The following RAB23 variants were observed in gnomAD, a reference collection of about 807,000 sequenced individuals.
RAB23 encodes the protein RAB23, member RAS oncogene family.
In RAB23, 15 loss-of-function variants were observed where a neutral mutation model predicts 30.0. The observed-to-expected ratio is 0.50, with a 90% CI of 0.33 to 0.77. The LOEUF is 0.77. Ranked by LOEUF, RAB23 falls within the 30% of genes least tolerant of loss-of-function variation. The probability of loss-of-function intolerance (pLI) is 0.02; values close to 1 mark genes in which losing one functional copy is unlikely to be tolerated. For missense variants in RAB23, 243 were observed against 275.4 expected (o/e 0.88, Z 0.83); for synonymous variants, 93 against 94.0 (o/e 0.99, Z 0.06).
chr6:57,191,680 G>A (rs1007492023), intron 6 of RAB23, among the ~76,000 whole-genome samples: 4 of 152,146 alleles, frequency 2.6e-5, no homozygotes, highest in Non-Finnish European at 5.9e-5. Context: ...AAAGTCCTAA[G>A]CTCAGGCAAT....
chr6:57,192,201 C>G (rs951651401), intron 6 of RAB23, among the ~76,000 whole-genome samples: 1 of 152,028 alleles, frequency 6.6e-6, no homozygotes, highest in African/African-American at 2.4e-5. Flanking sequence ...TATACTAAAC[C>G]AGTAAAAAAG....
At chr6:57,202,178 T>C (rs1342930659) in intron 3 of RAB23, among the ~76,000 whole-genome samples, 1 of 152,230 alleles carries the variant, frequency 6.6e-6, no homozygotes. Context: ...ATTTGTATCT[T>C]AATTCATTCT....
intron 3 of RAB23, among the ~76,000 whole-genome samples, chr6:57,201,516 T>C (rs892005683): frequency 3.3e-5 from 5 of 152,260 alleles, no homozygotes; most frequent in Non-Finnish European, 5.9e-5. Flanking sequence ...TCCAGTTTAC[T>C]GCTCTTAGCT....
At position 57,187,771 on chromosome 6, in the gene RAB23, C is replaced by T. The variant is rs1764659266; in HGVS notation, c.*2690G>A. ...ATTTATTGAGAGTTCCTTCTGAGCA[C>T]TGCACTGCCAACTTCTAAAGCAACC... On this transcript the variant is annotated 3_prime_UTR_variant, in exon 7 of 7. Transcript: ENST00000468148. 1 of 152,150 alleles carries T rather than the reference C, an allele frequency of 6.6e-6. No homozygotes were observed. Among genetic ancestry groups the T allele is most frequent in the African/African-American group, 2.4e-5 (1 of 41,432 alleles). The allele number at this position is 152,150 out of a possible 1,614,324, so 9.4% of individuals were successfully genotyped here.
intron 3 of RAB23, among the ~76,000 whole-genome samples, chr6:57,199,318 C>T (rs1416455469): frequency 6.6e-6 from 1 of 152,174 alleles, no homozygotes; most frequent in Non-Finnish European, 1.5e-5. Flanking sequence ...CTTCATGGTT[C>T]CTCAGGGAGA....
chr6:57,211,492 G>C (rs1025197782), intron 1 of RAB23, among the ~76,000 whole-genome samples: 2 of 151,888 alleles, frequency 1.3e-5, no homozygotes, highest in South Asian at 4.2e-4. Flanking sequence ...AAAAAAAATT[G>C]TAAATCCTCC....
chr6:57,214,586 G>C (rs978975198), intron 1 of RAB23, among the ~76,000 whole-genome samples: 3 of 152,136 alleles, frequency 2.0e-5, no homozygotes, highest in Admixed American at 6.5e-5. Flanking sequence ...TTACAGGCAC[G>C]AGCCACTGCG....
intron 1 of RAB23, among the ~76,000 whole-genome samples, chr6:57,211,729 C>G (rs1220390509): frequency 6.6e-6 from 1 of 152,160 alleles, no homozygotes; most frequent in African/African-American, 2.4e-5. Flanking sequence ...AGTTTTAAAC[C>G]TTTATAGTTA....
chr6:57,220,114 T>C (rs1245610057), intron 1 of RAB23, among the ~76,000 whole-genome samples: 3 of 152,196 alleles, frequency 2.0e-5, no homozygotes, highest in African/African-American at 7.2e-5. Context: ...CTTTGCCAGA[T>C]ACCTCACCAA....
At chr6:57,195,263 A>C (rs1418895796) in intron 4 of RAB23, among the ~76,000 whole-genome samples, 5 of 152,144 alleles carry the variant, frequency 3.3e-5, no homozygotes, top group African/African-American at 9.7e-5. Context: ...CACTCTGAAA[A>C]TCTTACAGTG....
chr6:57,203,750 C>A (rs1765353330), intron 3 of RAB23, among the ~76,000 whole-genome samples: 1 of 151,984 alleles, frequency 6.6e-6, no homozygotes, highest in Admixed American at 6.6e-5. Context: ...AAAAAAAATA[C>A]CATCTACTCC....
intron 2 of RAB23, among the ~76,000 whole-genome samples, chr6:57,208,544 G>A (rs753899187): frequency 1.5e-4 from 22 of 149,988 alleles, no homozygotes; most frequent in Non-Finnish European, 2.2e-4. Flanking sequence ...CTACCCAGGA[G>A]GCTGAGATGG....
At chr6:57,199,681 G>A (rs1192999876) in intron 3 of RAB23, among the ~76,000 whole-genome samples, 1 of 152,148 alleles carries the variant, frequency 6.6e-6, no homozygotes, top group Non-Finnish European at 1.5e-5. Context: ...ACAATCTATA[G>A]AAAGAATGGT....
chr6:57,203,255 C>T (rs972240682), intron 3 of RAB23, among the ~76,000 whole-genome samples: 18 of 152,116 alleles, frequency 1.2e-4, no homozygotes, highest in Non-Finnish European at 2.1e-4. Flanking sequence ...ACCTGCCGGC[C>T]GCAGCCTCCC....
chr6:57,207,523 A>G lies in RAB23; in HGVS notation c.241+105T>C, dbSNP rs916179425. On this transcript the variant is annotated intron_variant, in intron 3 of 6. Coordinates refer to ENST00000468148, the MANE Select transcript of RAB23 (RefSeq NM_016277.5). ...AAAATACTTTGAAATTATTTTAACT[A>G]TTCTTCAAGAGAAGCCCTTATACGG... 1.3e-5 allele frequency: 10 copies of G among 758,942 alleles called. No homozygotes were observed. In the African/African-American group the frequency reaches 1.6e-4, roughly 12 times the overall value. 47.0% of individuals were successfully genotyped at this position (758,942 alleles called of 1,614,324 possible).
Position 57,196,494 on chromosome 6 carries a change from A to T in RAB23, c.354T>A (p.Leu118=). Residue 118 remains leucine (L), a synonymous_variant, in exon 4 of 7, where the codon CTT becomes CTA. Transcript: ENST00000468148. ...CCAGAAGATCAATCTTGTTTTGCAC[A>T]AGTACAGTTGGTATATCTCCCACTT... is the stretch of plus-strand genomic sequence containing the variant. ...VAEVGDIPTV[L]VQNKIDLLDD... is the part of the protein sequence containing the mutation. 6.2e-7 allele frequency: 1 copy of T among 1,614,006 alleles called. No individual in the cohort carries two copies. The highest frequency in any genetic ancestry group is 8.5e-7 in the Non-Finnish European group (1 of 1,179,948).
rs367985777 is a variant in RAB23, at chr6:57,207,724, A to C, written c.156-11T>G. 2 of 1,533,186 alleles carry C rather than the reference A, an allele frequency of 1.3e-6. No homozygotes were observed. The highest frequency in any genetic ancestry group is 1.8e-6 in the Non-Finnish European group (2 of 1,108,470). The allele number at this position is 1,533,186 out of a possible 1,614,324, so 95.0% of individuals were successfully genotyped here. A position where few individuals can be genotyped will look rare whatever the true frequency, so the allele number is the denominator to read the frequency against. Reference sequence around the variant, plus strand: ...TCTTCATCATTAACTCTAAAACAAGAGATGAATTTATTTCATATGTAAAGG... The same window carrying C: ...TCTTCATCATTAACTCTAAAACAAGCGATGAATTTATTTCATATGTAAAGG... On this transcript the variant is annotated splice_polypyrimidine_tract_variant and intron_variant, in intron 2 of 6. Coordinates refer to ENST00000468148, the MANE Select transcript of RAB23 (RefSeq NM_016277.5).
At chr6:57,203,773 G>A (rs1026411028) in intron 3 of RAB23, among the ~76,000 whole-genome samples, 37 of 152,118 alleles carry the variant, frequency 2.4e-4, no homozygotes, top group African/African-American at 8.9e-4. Context: ...GAACGGCTTG[G>A]GGTAGTAAAA....
chr6:57,195,733 G>T (rs1279061828), intron 4 of RAB23, among the ~76,000 whole-genome samples: 1 of 152,176 alleles, frequency 6.6e-6, no homozygotes, highest in Non-Finnish European at 1.5e-5. Context: ...CACCAGTGTA[G>T]CCTTTCCGTG....
Sources: allele counts gnomAD v4.1 joint callset (sites outside exome capture counted in the v4.1 genomes callset), GRCh38; gene constraint gnomAD v4.1.1; transcripts MANE v1.5; gene names NCBI Gene and HGNC (gene_info 2026-07-23, HGNC 2026-07-21).